CSMD1: variants seen among roughly 807,000 people sequenced by gnomAD.
The protein encoded by CSMD1 is CUB and Sushi multiple domains 1.
A neutral mutation model predicts 417.5 loss-of-function variants in CSMD1; 213 were observed. That is an observed-to-expected ratio of 0.51 (90% CI 0.46 to 0.57). The LOEUF is 0.57. CSMD1 is among the 20% of genes least tolerant of loss of function. The pLI is 0.00. For missense variants in CSMD1, 6,923 were observed against 4,529.7 expected (o/e 1.53, Z -15.17); for synonymous variants, 2,862 against 1,736.8 (o/e 1.65, Z -16.11).
intron 3 of CSMD1, among the ~76,000 whole-genome samples, chr8:4,402,104 T>C (rs1208666697): frequency 2.6e-5 from 4 of 152,146 alleles, no homozygotes; most frequent in Non-Finnish European, 5.9e-5. Flanking sequence ...CCCCTTCCGA[T>C]GAACTTGTCT....
chr8:3,972,334 C>G (rs1042764978), intron 5 of CSMD1, among the ~76,000 whole-genome samples: 21 of 152,140 alleles, frequency 1.4e-4, no homozygotes, highest in African/African-American at 4.6e-4. Context: ...AAGATTGTCA[C>G]TTTTTCTCAA....
chr8:3,627,319 C>T (rs762624043), intron 7 of CSMD1, among the ~76,000 whole-genome samples: 5 of 152,052 alleles, frequency 3.3e-5, no homozygotes, highest in Non-Finnish European at 5.9e-5. Flanking sequence ...AAATTTAACA[C>T]GTGATGCTAT....
chr8:3,934,630 G>C (rs1340136863), intron 5 of CSMD1, among the ~76,000 whole-genome samples: 1 of 152,090 alleles, frequency 6.6e-6, no homozygotes, highest in East Asian at 1.9e-4. Context: ...CAAGGAGGTA[G>C]ATCACCTCAG....
chr8:4,195,604 G>A (rs1055720319), intron 3 of CSMD1, among the ~76,000 whole-genome samples: 2 of 152,132 alleles, frequency 1.3e-5, no homozygotes, highest in African/African-American at 2.4e-5. Flanking sequence ...ATGACTGTGT[G>A]ATATTATATA....
chr8:3,241,877 G>T (rs971963698), intron 26 of CSMD1, among the ~76,000 whole-genome samples: 1 of 151,958 alleles, frequency 6.6e-6, no homozygotes, highest in Non-Finnish European at 1.5e-5. Flanking sequence ...ATTAAGTCCT[G>T]TTGTGGGGTT....
chr8:3,766,540 C>G (rs995069219), intron 5 of CSMD1, among the ~76,000 whole-genome samples: 2 of 152,000 alleles, frequency 1.3e-5, no homozygotes, highest in African/African-American at 2.4e-5. Context: ...AAACAGGGAG[C>G]AGTCGGCACT....
At chr8:4,156,748 T>G (rs1465881598) in intron 3 of CSMD1, among the ~76,000 whole-genome samples, 2 of 152,132 alleles carry the variant, frequency 1.3e-5, no homozygotes, top group African/African-American at 2.4e-5. Context: ...AGCTTCAACC[T>G]TTGAACAGGA....
chr8:4,314,068 G>A (rs892145529), intron 3 of CSMD1, among the ~76,000 whole-genome samples: 1 of 151,644 alleles, frequency 6.6e-6, no homozygotes, highest in South Asian at 2.1e-4. Context: ...AGTTAAACTT[G>A]CTTTCTTTCT....
chr8:3,219,332 C>T lies in CSMD1; in HGVS notation c.4595G>A (p.Ser1532Asn), dbSNP rs1272881972. 6.3e-7 allele frequency: 1 copy of T among 1,583,672 alleles called. No homozygotes were observed. The highest frequency in any genetic ancestry group is 1.8e-5 in the Admixed American group (1 of 55,788). ...TGCCAGAAACAGGCTGTTTCCGCTACTCTCTATTCTTTCTGGGGCCTGAGA... is the reference window on the plus strand; with the variant it reads ...TGCCAGAAACAGGCTGTTTCCGCTATTCTCTATTCTTTCTGGGGCCTGAGA... ...QGSQAPERIE[S>N]SGNSLFLAFR... is the part of the protein sequence containing the mutation. The change falls in exon 29 of 70, where the codon AGT (serine) becomes AAT (asparagine). Residue 1532 changes from serine to asparagine, a missense_variant. Physicochemically the swap from Ser to Asn is conservative, Grantham distance 46 (BLOSUM62 1). Transcript: ENST00000635120.
chr8:4,496,913 A>T (rs1213618294), intron 2 of CSMD1, among the ~76,000 whole-genome samples: 1 of 152,172 alleles, frequency 6.6e-6, no homozygotes, highest in Non-Finnish European at 1.5e-5. Flanking sequence ...TTGTTTTGTG[A>T]ATCAAAGAGC....
At position 4,078,536 on chromosome 8, in the gene CSMD1, T is replaced by A. The variant is rs534374526; in HGVS notation, c.416-46437A>T. Reference sequence around the variant, plus strand: ...ACCTCGGCCTCCCAAAGTGCTGGGATTACAGGGGTGAGCCACTGCGCCCGG... The same window carrying A: ...ACCTCGGCCTCCCAAAGTGCTGGGAATACAGGGGTGAGCCACTGCGCCCGG... On this transcript the variant is annotated intron_variant, in intron 3 of 69. Transcript: ENST00000635120. Among the ~76,000 whole-genome samples the A allele has an allele frequency of 5.0e-4, 76 of 152,024 alleles. 2 individuals are homozygous for A. Among genetic ancestry groups the A allele is most frequent in the Admixed American group, 3.0e-3 (46 of 15,274 alleles).
At chr8:4,950,164 A>T (rs1006640448) in intron 1 of CSMD1, among the ~76,000 whole-genome samples, 4 of 152,190 alleles carry the variant, frequency 2.6e-5, no homozygotes, top group African/African-American at 9.6e-5. Context: ...ACACTTTTGT[A>T]TATGATTGTG....
chr8:2,949,580 T>G (rs1159364649), intron 67 of CSMD1, among the ~76,000 whole-genome samples, 194 bp from the exon 68 acceptor site: 1 of 152,172 alleles, frequency 6.6e-6, no homozygotes, highest in Admixed American at 6.6e-5. Flanking sequence ...GAAGTGAACT[T>G]TAACTAACAT....
At chr8:3,803,159 C>G (rs999972539) in intron 5 of CSMD1, among the ~76,000 whole-genome samples, 2 of 152,154 alleles carry the variant, frequency 1.3e-5, no homozygotes, top group African/African-American at 4.8e-5. Flanking sequence ...ATGTTCTAAT[C>G]ATGCTGAAAG....
chr8:3,956,456 G>A (rs190834151), intron 5 of CSMD1, among the ~76,000 whole-genome samples: 1 of 152,156 alleles, frequency 6.6e-6, no homozygotes, highest in Non-Finnish European at 1.5e-5. Context: ...GTGATAGCTT[G>A]AGTTTCATAA....
intron 10 of CSMD1, among the ~76,000 whole-genome samples, chr8:3,500,417 C>T (rs146203630): frequency 3.6e-3 from 541 of 152,170 alleles, no homozygotes; most frequent in Admixed American, 6.3e-3. Context: ...GAGAGGTTCA[C>T]GACCAGACAC....
At chr8:3,537,082 C>T (rs992711320) in intron 10 of CSMD1, among the ~76,000 whole-genome samples, 25 of 152,214 alleles carry the variant, frequency 1.6e-4, no homozygotes, top group African/African-American at 6.0e-4. Context: ...CAGCTCACTG[C>T]CACCTCCGCC....
chr8:4,649,660 A>G (rs1158371380), intron 1 of CSMD1, among the ~76,000 whole-genome samples: 1 of 152,248 alleles, frequency 6.6e-6, no homozygotes, highest in Non-Finnish European at 1.5e-5. Context: ...ACTCCTCTTT[A>G]TAAGAAGCCA....
intron 3 of CSMD1, among the ~76,000 whole-genome samples, chr8:4,151,111 A>C (rs1796550711): frequency 6.6e-6 from 1 of 152,206 alleles, no homozygotes; most frequent in African/African-American, 2.4e-5. Flanking sequence ...CTCCCAGCAG[A>C]AGATATTAGG....
Sources: allele counts gnomAD v4.1 joint callset (sites outside exome capture counted in the v4.1 genomes callset), GRCh38; gene constraint gnomAD v4.1.1; transcripts MANE v1.5; gene names NCBI Gene and HGNC (gene_info 2026-07-23, HGNC 2026-07-21).